Variants in HMGCLL1 observed in about 807,000 individuals in gnomAD.
HMGCLL1 encodes 3-hydroxy-3-methylglutaryl-CoA lyase like 1, also known as 3-hydroxymethyl-3-methylglutaryl-CoA lyase, cytoplasmic.
Under a neutral mutation model 39.1 loss-of-function variants are expected in HMGCLL1, and 36 were observed. That is an observed-to-expected ratio of 0.92 (90% CI 0.71 to 1.22). The LOEUF (loss-of-function observed/expected upper bound fraction) is 1.22. Among genes scored for constraint, HMGCLL1 ranks in the 50% most tolerant of loss-of-function variants. The probability of loss-of-function intolerance (pLI) is 0.00; values close to 1 mark genes in which losing one functional copy is unlikely to be tolerated. For missense variants in HMGCLL1, 451 were observed against 416.5 expected, an observed-to-expected ratio of 1.08 and a Z score of -0.72; for synonymous variants, 149 against 144.0, an observed-to-expected ratio of 1.03 and a Z score of -0.25.
the HMGCLL1 span, among the ~76,000 whole-genome samples, chr6:55,659,432 C>T: frequency 2.0e-5 from 3 of 151,766 alleles, no homozygotes; most frequent in East Asian, 1.9e-4. Context: ...GGCAAATTGC[C>T]CTGCAGAGAT....
chr6:55,450,345 A>T (rs1454456108), intron 7 of HMGCLL1, among the ~76,000 whole-genome samples: 1 of 152,224 alleles, frequency 6.6e-6, no homozygotes, highest in Admixed American at 6.5e-5. Flanking sequence ...CATACAGCCT[A>T]CTGCTTAAGA....
At chr6:55,508,810 C>A (rs1340706386) in intron 5 of HMGCLL1, among the ~76,000 whole-genome samples, 3 of 151,834 alleles carry the variant, frequency 2.0e-5, no homozygotes, top group Non-Finnish European at 4.4e-5. Context: ...CTTAGGGACA[C>A]CACTAACTTT....
the HMGCLL1 span, among the ~76,000 whole-genome samples, chr6:55,604,074 A>G: frequency 6.6e-6 from 1 of 152,160 alleles, no homozygotes; most frequent in Non-Finnish European, 1.5e-5. Flanking sequence ...TGTTTCAGCC[A>G]AAATTTTCCT....
Position 55,543,168 on chromosome 6 carries a change from A to T in HMGCLL1, c.109-1028T>A, listed in dbSNP as rs1449096195. Among the ~76,000 whole-genome samples the T allele has an allele frequency of 1.5e-3, 10 of 6,728 alleles. 3 individuals carry two copies. In the South Asian group the frequency reaches 0.047, roughly 32 times the overall value. The allele number at this position is 6,728 out of a possible 152,430, so 4.4% of individuals were successfully genotyped here. A position where few individuals can be genotyped will look rare whatever the true frequency, so the allele number is the denominator to read the frequency against. On this transcript the variant is annotated intron_variant, in intron 1 of 8. Transcript: ENST00000274901. ...ATATATTATATATATTATATATATA[A>T]TATATAATATATAATATATAATATA...
chr6:55,495,655 T>G lies in HMGCLL1; in HGVS notation c.607-48A>C, dbSNP rs373554963. 9 of 1,414,294 alleles carry G rather than the reference T, an allele frequency of 6.4e-6. No individual in the cohort carries two copies. The African/African-American group carries it at 1.2e-4, about 18-fold the overall frequency. 87.6% of individuals were successfully genotyped at this position (1,414,294 alleles called of 1,614,324 possible). A position where few individuals can be genotyped will look rare whatever the true frequency, so the allele number is the denominator to read the frequency against. ...AGTAAAATAATGGAAATGAAGAGAC[T>G]CAAACCCTCTTGTGCCACAACTAAC... is the stretch of plus-strand genomic sequence containing the variant. On this transcript the variant is annotated intron_variant, in intron 6 of 8. Transcript: ENST00000274901.
intron 1 of HMGCLL1, among the ~76,000 whole-genome samples, chr6:55,578,008 A>C (rs1446966468): frequency 6.6e-6 from 1 of 152,246 alleles, no homozygotes; most frequent in African/African-American, 2.4e-5. Context: ...CTGAGAATAC[A>C]CAATAGAAAA....
At chr6:55,657,042 G>T in the HMGCLL1 span, among the ~76,000 whole-genome samples, 115,231 of 151,820 alleles carry the variant, frequency 0.76, 43,796 homozygotes, top group Middle Eastern at 0.8. Flanking sequence ...TTTTATGGGG[G>T]TTTTGTTGTT....
At chr6:55,675,904 T>C in the HMGCLL1 span, among the ~76,000 whole-genome samples, 1 of 152,150 alleles carries the variant, frequency 6.6e-6, no homozygotes, top group Non-Finnish European at 1.5e-5. Context: ...AATAGGAATG[T>C]TTTTTATTAC....
chr6:55,435,631 T>C lies in HMGCLL1; in HGVS notation c.*31A>G, dbSNP rs893736047. 8.8e-6 allele frequency: 11 copies of C among 1,256,016 alleles called. No homozygotes were observed. The highest frequency in any genetic ancestry group is 3.0e-5 in the African/African-American group (2 of 66,038). 77.8% of individuals were successfully genotyped at this position (1,256,016 alleles called of 1,614,324 possible). Reference sequence around the variant, plus strand: ...ATGAGTATTGTAGCTGAAATTGATCTTCTCAACGGTACGTCATAAATCCAT... The same window carrying C: ...ATGAGTATTGTAGCTGAAATTGATCCTCTCAACGGTACGTCATAAATCCAT... On this transcript the variant is annotated 3_prime_UTR_variant, in exon 9 of 9. Transcript: ENST00000274901.
chr6:55,647,745 C>CTTT, the HMGCLL1 span, among the ~76,000 whole-genome samples: 903 of 115,808 alleles, frequency 7.8e-3, 14 homozygotes, highest in African/African-American at 0.029. Flanking sequence ...TTTTTTTTTC[C>CTTT]TTTTTTTTTT....
chr6:55,469,204 T>A (rs1764922342), intron 7 of HMGCLL1, among the ~76,000 whole-genome samples: 1 of 150,470 alleles, frequency 6.6e-6, no homozygotes, highest in African/African-American at 2.4e-5. Context: ...ACCTACAAGA[T>A]AGAGACAGCT....
At chr6:55,446,980 A>C (rs925822565) in intron 7 of HMGCLL1, among the ~76,000 whole-genome samples, 1 of 152,046 alleles carries the variant, frequency 6.6e-6, no homozygotes, top group African/African-American at 2.4e-5. Context: ...AATTTCTGAA[A>C]GTGAAAATTA....
the HMGCLL1 span, among the ~76,000 whole-genome samples, chr6:55,625,440 G>A: frequency 6.6e-6 from 1 of 152,068 alleles, no homozygotes; most frequent in East Asian, 1.9e-4. Context: ...ACCCCAGCCT[G>A]CACCAATGGC....
chr6:55,630,977 T>C, the HMGCLL1 span, among the ~76,000 whole-genome samples: 1 of 152,170 alleles, frequency 6.6e-6, no homozygotes, highest in Non-Finnish European at 1.5e-5. Context: ...TTGCTGTTTT[T>C]AGAATCCTTT....
intron 7 of HMGCLL1, among the ~76,000 whole-genome samples, chr6:55,464,360 C>G (rs1343698297): frequency 6.6e-6 from 1 of 152,120 alleles, no homozygotes; most frequent in Non-Finnish European, 1.5e-5. Flanking sequence ...ATAACACTAA[C>G]TAATGTGACT....
At position 55,451,806 on chromosome 6, in the gene HMGCLL1, T is replaced by C. The variant is rs1176208752; in HGVS notation, c.796-12247A>G. On this transcript the variant is annotated intron_variant, in intron 7 of 8. Transcript: ENST00000274901. ...TAAAAGACAAAAGAATTGAAAACAG[T>C]GGTTCTGACAAAGAATGAGCAATGT... Among the ~76,000 whole-genome samples the C allele has an allele frequency of 2.0e-5, 3 of 152,288 alleles. No homozygotes were observed. The East Asian group carries it at 5.8e-4, about 29-fold the overall frequency.
At chr6:55,649,552 G>C in the HMGCLL1 span, among the ~76,000 whole-genome samples, 1 of 151,678 alleles carries the variant, frequency 6.6e-6, no homozygotes, top group Non-Finnish European at 1.5e-5. Context: ...TAAATGCCTT[G>C]AGGTAGTCTC....
At chr6:55,629,190 A>G in the HMGCLL1 span, among the ~76,000 whole-genome samples, 1 of 152,198 alleles carries the variant, frequency 6.6e-6, no homozygotes, top group Non-Finnish European at 1.5e-5. Flanking sequence ...AGCGATATGG[A>G]CAGTAAAGTC....
intron 7 of HMGCLL1, among the ~76,000 whole-genome samples, chr6:55,465,787 A>C (rs1452169563): frequency 2.0e-5 from 3 of 152,136 alleles, no homozygotes; most frequent in Non-Finnish European, 4.4e-5. Context: ...TTTCTGGTAT[A>C]AACCTTACTT....
Sources: gnomAD v4.1 joint callset for allele counts (sites outside exome capture counted in the v4.1 genomes callset) on GRCh38, gnomAD v4.1.1 for gene constraint, MANE v1.5 for transcripts, NCBI Gene and HGNC (gene_info 2026-07-23, HGNC 2026-07-21) for gene names.